Variants in MCCD1 observed in about 807,000 individuals in gnomAD.
MCCD1 encodes the protein mitochondrial coiled-coil domain 1.
A neutral mutation model predicts 5.6 loss-of-function variants in MCCD1; 5 were observed. The observed-to-expected ratio is 0.89, with a 90% CI of 0.46 to 1.87. The LOEUF is 1.87. Ranked by LOEUF, MCCD1 falls within the 40% of genes most tolerant of loss-of-function variation. The pLI, the probability that MCCD1 is intolerant of heterozygous loss-of-function variation, is 0.01. For missense variants in MCCD1, 178 were observed against 141.8 expected (o/e 1.26, Z -1.30); for synonymous variants, 70 against 57.3 (o/e 1.22, Z -1.00).
intron 1 of MCCD1, 76 bp downstream of exon 1, chr6:31,529,261 C>T (rs1766856002): frequency 1.4e-6 from 2 of 1,415,528 alleles, no homozygotes; most frequent in Admixed American, 4.0e-5. Flanking sequence ...CCCTCAATCC[C>T]ACCCTGCACC....
Position 31,529,887 on chromosome 6 carries a change from GA to G in MCCD1, c.314del (p.Lys105ArgfsTer4). On this transcript the variant is annotated frameshift_variant, in exon 2 of 2. Transcript: ENST00000376191. LOFTEE classifies it low-confidence loss of function (END_TRUNC). ...QALVLKIQKLKEQMRRHQESL... is the reference protein window; with the variant it reads ...QALVLKIQKLXEQMRRHQESL... The stretch of plus-strand genomic sequence containing the variant: ...CCCTGGTGCTCAAGATCCAGAAGCT[GA>G]AGGAACAGATGAGGAGGCACCAAGA... 6.4e-7 allele frequency: 1 copy of G among 1,563,222 alleles called. No individual in the cohort carries two copies. The highest frequency in any genetic ancestry group is 8.7e-7 in the Non-Finnish European group (1 of 1,154,950).
At chr6:31,529,478 T>C (rs927802936) in intron 1 of MCCD1, among the ~76,000 whole-genome samples, 7 of 150,758 alleles carry the variant, frequency 4.6e-5, no homozygotes, top group African/African-American at 1.7e-4. Flanking sequence ...GCTGATCCTC[T>C]TTCCAGTGAC....
rs773625249 is a variant in MCCD1 at position 31,530,037 on chromosome 6, G to A, written c.*102G>A. On this transcript the variant is annotated 3_prime_UTR_variant, in exon 2 of 2. Coordinates refer to ENST00000376191, the MANE Select transcript of MCCD1 (RefSeq NM_001011700.3). This position sits in a 1 kb window ranked among gnomAD's most constrained non-coding sequence, Gnocchi z 4.5. Reference sequence around the variant, plus strand: ...CACCCCAGCGTCTTCCCAGGCCAGAGAAAGTGGAAGAGACCACAAAGCGCA... The same window carrying A: ...CACCCCAGCGTCTTCCCAGGCCAGAAAAAGTGGAAGAGACCACAAAGCGCA... 9 of 1,426,464 alleles carry A rather than the reference G, an allele frequency of 6.3e-6. No individual in the cohort carries two copies. Among genetic ancestry groups the A allele is most frequent in the Admixed American group, 3.0e-5 (1 of 32,948 alleles). The allele number at this position is 1,426,464 out of a possible 1,614,324, so 88.4% of individuals were successfully genotyped here.
Position 31,529,863 on chromosome 6 carries a change from C to G in MCCD1, c.288C>G (p.Ala96=). Residue 96 remains alanine, a synonymous_variant, in exon 2 of 2, where the codon GCC becomes GCG. Transcript: ENST00000376191. ...EGQEGAWEAQ[A]LVLKIQKLKE... The stretch of plus-strand genomic sequence containing the variant: ...AGGAGGGAGCCTGGGAGGCCCAAGC[C>G]CTGGTGCTCAAGATCCAGAAGCTGA... The G allele has an allele frequency of 6.3e-7, 1 of 1,577,138 alleles. No individual in the cohort carries two copies. The highest frequency in any genetic ancestry group is 2.3e-4 in the Middle Eastern group (1 of 4,418).
chr6:31,529,909 C>T lies in MCCD1; in HGVS notation c.334C>T (p.Gln112Ter), dbSNP rs1234914440. ...QKLKEQMRRH[Q>*]ESLGGGA is the part of the protein sequence containing the mutation. ...GCTGAAGGAACAGATGAGGAGGCAC[C>T]AAGAGAGCCTTGGAGGAGGCGCCTA... The change falls in exon 2 of 2, where the codon CAA becomes TAA. Residue 112 changes from glutamine (Q) to a stop codon, truncating the protein, a stop_gained. Coordinates refer to ENST00000376191, the MANE Select transcript of MCCD1 (RefSeq NM_001011700.3). LOFTEE classifies it high-confidence loss of function. 1 of 1,542,742 alleles carries T rather than the reference C, an allele frequency of 6.5e-7. No individual in the cohort carries two copies. Among genetic ancestry groups the T allele is most frequent in the Non-Finnish European group, 8.8e-7 (1 of 1,142,418 alleles).
At position 31,529,780 on chromosome 6, in the gene MCCD1, C is replaced by A; in HGVS notation, c.205C>A (p.Arg69=). The A allele has an allele frequency of 6.4e-7, 1 of 1,560,054 alleles. No homozygotes were observed. Among genetic ancestry groups the A allele is most frequent in the Non-Finnish European group, 8.7e-7 (1 of 1,148,842 alleles). Residue 69 remains arginine, a synonymous_variant, in exon 2 of 2, where the codon CGA becomes AGA. Coordinates refer to ENST00000376191, the MANE Select transcript of MCCD1 (RefSeq NM_001011700.3). ...PGTHRTAELA[R]AEELLEQQLE... The stretch of plus-strand genomic sequence containing the variant: ...GACCCACCGCACAGCTGAGCTGGCC[C>A]GAGCTGAAGAGTTGTTGGAGCAGCA...
chr6:31,529,811 A>G lies in MCCD1; in HGVS notation c.236A>G (p.Glu79Gly). Residue 79 changes from glutamate (E) to glycine (G), a missense_variant, in exon 2 of 2, where the codon GAG (glutamate) becomes GGG (glycine). By Grantham distance (98) the Glu-to-Gly change is moderately conservative. Coordinates refer to ENST00000376191, the MANE Select transcript of MCCD1 (RefSeq NM_001011700.3). ...GAAGAGTTGTTGGAGCAGCAGCTGG[A>G]GCTGTACCAGGCCCTCCTTGAAGGG... ...RAEELLEQQLELYQALLEGQE... is the reference protein window; with the variant it reads ...RAEELLEQQLGLYQALLEGQE... 1 of 1,594,344 alleles carries G rather than the reference A, an allele frequency of 6.3e-7. No individual in the cohort carries two copies. Among genetic ancestry groups the G allele is most frequent in the Non-Finnish European group, 8.5e-7 (1 of 1,170,088 alleles).
In MCCD1 at chr6:31,529,854, G is replaced by A. The variant is rs75150198; in HGVS notation, c.279G>A (p.Glu93=). The A allele has an allele frequency of 1.9e-5, 30 of 1,583,700 alleles. No individual in the cohort carries two copies. Among genetic ancestry groups the A allele is most frequent in the Non-Finnish European group, 2.6e-5 (30 of 1,166,884 alleles). Reference sequence around the variant, plus strand: ...TTGAAGGGCAGGAGGGAGCCTGGGAGGCCCAAGCCCTGGTGCTCAAGATCC... The same window carrying A: ...TTGAAGGGCAGGAGGGAGCCTGGGAAGCCCAAGCCCTGGTGCTCAAGATCC... ...ALLEGQEGAW[E]AQALVLKIQK... is the part of the protein sequence containing the mutation. Residue 93 remains glutamate (E), a synonymous_variant, in exon 2 of 2, where the codon GAG becomes GAA. Transcript: ENST00000376191.
In MCCD1 at chr6:31,529,919, T is replaced by A; in HGVS notation, c.344T>A (p.Leu115His). ...CAGATGAGGAGGCACCAAGAGAGCCTTGGAGGAGGCGCCTAAGTTTCCCCC... is the reference window on the plus strand; with the variant it reads ...CAGATGAGGAGGCACCAAGAGAGCCATGGAGGAGGCGCCTAAGTTTCCCCC... ...KEQMRRHQES[L>H]GGGA The change falls in exon 2 of 2, where the codon CTT (leucine) becomes CAT (histidine). Residue 115 changes from leucine to histidine, a missense_variant. Leu to His is a moderately conservative substitution (Grantham distance 99). Transcript: ENST00000376191. 2 of 1,528,426 alleles carry A rather than the reference T, an allele frequency of 1.3e-6. No individual in the cohort carries two copies. The highest frequency in any genetic ancestry group is 1.8e-6 in the Non-Finnish European group (2 of 1,133,872). 94.7% of individuals were successfully genotyped at this position (1,528,426 alleles called of 1,614,324 possible).
chr6:31,529,839 G>T lies in MCCD1; in HGVS notation c.264G>T (p.Gln88His). 1 of 1,594,474 alleles carries T rather than the reference G, an allele frequency of 6.3e-7. No homozygotes were observed. The highest frequency in any genetic ancestry group is 1.1e-5 in the South Asian group (1 of 87,984). Residue 88 changes from glutamine to histidine, a missense_variant, in exon 2 of 2, where the codon CAG (glutamine) becomes CAT (histidine). Transcript: ENST00000376191. ...TGTACCAGGCCCTCCTTGAAGGGCA[G>T]GAGGGAGCCTGGGAGGCCCAAGCCC... ...LELYQALLEG[Q>H]EGAWEAQALV...
At chr6:31,529,286 C>CACACCA in intron 1 of MCCD1, 101 bp downstream of exon 1, 1 of 1,233,752 alleles carries the variant, frequency 8.1e-7, no homozygotes, top group Non-Finnish European at 1.1e-6. Context: ...CACACCATGC[C>CACACCA]TACCCCTGCA....
intron 1 of MCCD1, 54 bp downstream of exon 1, chr6:31,529,239 G>A: frequency 1.9e-6 from 3 of 1,562,890 alleles, no homozygotes; most frequent in Admixed American, 1.8e-5. Flanking sequence ...ACTGGGGTGT[G>A]GGAAAAAAAA....
At chr6:31,529,252 C>T (rs1766854936) in intron 1 of MCCD1, 67 bp downstream of exon 1, 3 of 1,524,220 alleles carry the variant, frequency 2.0e-6, no homozygotes, top group Non-Finnish European at 9.0e-7. Context: ...AAAAAAAAAC[C>T]CTCAATCCCA....
chr6:31,529,126 G>T lies in MCCD1; in HGVS notation c.112G>T (p.Ala38Ser). ...SHGCCSQNPK[A>S]SMEEQTSSRG... ...TGGGTGCTGCTCCCAAAACCCCAAA[G>T]CAAGCATGGAAGAGCAGACCAGCTC... The change falls in exon 1 of 2, where the codon GCA (alanine) becomes TCA (serine). Residue 38 changes from alanine (A) to serine (S), a missense_variant. Physicochemically the swap from Ala to Ser is moderately conservative, Grantham distance 99. Coordinates refer to ENST00000376191, the MANE Select transcript of MCCD1 (RefSeq NM_001011700.3). 1 of 1,612,752 alleles carries T rather than the reference G, an allele frequency of 6.2e-7. No individual in the cohort carries two copies. The highest frequency in any genetic ancestry group is 8.5e-7 in the Non-Finnish European group (1 of 1,179,876).
Position 31,529,960 on chromosome 6 carries a change from CT to C in MCCD1, c.*26del. The stretch of plus-strand genomic sequence containing the variant: ...AGTTTCCCCCAGTGCCCACAGCACC[CT>C]CCGGCGCTGAAAATACACGCACCAC... On this transcript the variant is annotated 3_prime_UTR_variant, in exon 2 of 2. Coordinates refer to ENST00000376191, the MANE Select transcript of MCCD1 (RefSeq NM_001011700.3). 6.8e-7 allele frequency: 1 copy of C among 1,475,614 alleles called. No homozygotes were observed. Among genetic ancestry groups the C allele is most frequent in the Admixed American group, 2.4e-5 (1 of 41,146 alleles). 91.4% of individuals were successfully genotyped at this position (1,475,614 alleles called of 1,614,324 possible).
At chr6:31,529,548 C>T (rs1052298181) in intron 1 of MCCD1, among the ~76,000 whole-genome samples, 199 bp from the exon 2 acceptor site, 3 of 152,180 alleles carry the variant, frequency 2.0e-5, no homozygotes, top group African/African-American at 7.2e-5. Flanking sequence ...TCTATTTGCT[C>T]CCCCTACTAC....
rs758314768 is a variant in MCCD1 at position 31,529,008 on chromosome 6, A to T, written c.-7A>T. On this transcript the variant is annotated 5_prime_UTR_variant, in exon 1 of 2. Transcript: ENST00000376191. The stretch of plus-strand genomic sequence containing the variant: ...AGCTCACACAGCTCCCTGCCAGGTC[A>T]CCCGCCATGGTCCTCCCTCTGCCCT... 6.2e-7 allele frequency: 1 copy of T among 1,610,572 alleles called. No homozygotes were observed. Among genetic ancestry groups the T allele is most frequent in the South Asian group, 1.1e-5 (1 of 90,950 alleles).
chr6:31,529,437 A>G (rs762366780), intron 1 of MCCD1, among the ~76,000 whole-genome samples: 45 of 147,212 alleles, frequency 3.1e-4, no homozygotes, highest in Admixed American at 5.6e-4. Context: ...CCCTCACCTA[A>G]CAGTTAATTA....
intron 1 of MCCD1, 49 bp downstream of exon 1, chr6:31,529,234 G>T (rs1332449600): frequency 6.4e-7 from 1 of 1,574,146 alleles, no homozygotes; most frequent in South Asian, 1.1e-5. Flanking sequence ...TTTACACTGG[G>T]GTGTGGGAAA....
Sources: gnomAD v4.1 joint callset for allele counts (sites outside exome capture counted in the v4.1 genomes callset) on GRCh38, gnomAD v4.1.1 for gene constraint, Gnocchi (gnomAD v3.1) non-coding constraint, MANE v1.5 for transcripts, NCBI Gene and HGNC (gene_info 2026-07-23, HGNC 2026-07-21) for gene names.